SLC4A4: variants seen among roughly 807,000 people sequenced by gnomAD.
The protein encoded by SLC4A4 is electrogenic sodium bicarbonate cotransporter 1.
In SLC4A4, 27 loss-of-function variants were observed where a neutral mutation model predicts 111.5. The observed-to-expected ratio is 0.24, with a 90% CI of 0.18 to 0.33. SLC4A4 has a LOEUF of 0.33. Ranked by LOEUF, SLC4A4 falls within the 10% of genes least tolerant of loss-of-function variation. The pLI is 1.00. For missense variants in SLC4A4, 909 were observed against 1,315.5 expected (o/e 0.69, Z 4.78); for synonymous variants, 443 against 463.4 (o/e 0.96, Z 0.57).
chr4:71,107,010 ATCTG>A (rs1197374382), intron 2 of SLC4A4, among the ~76,000 whole-genome samples: 2 of 151,834 alleles, frequency 1.3e-5, no homozygotes, highest in Non-Finnish European at 2.9e-5. Context: ...AATAAAGTCT[ATCTG>A]TCTGTATTAT....
intron 2 of SLC4A4, among the ~76,000 whole-genome samples, chr4:71,237,617 AG>A (rs1393085354): frequency 6.6e-6 from 1 of 152,150 alleles, no homozygotes; most frequent in Non-Finnish European, 1.5e-5. Flanking sequence ...AAAGAGAGTC[AG>A]TATTGTATGT....
rs190679379 is a variant in SLC4A4, at chr4:71,164,249, C to T, written c.-2+71457C>T. On this transcript the variant is annotated intron_variant, in intron 2 of 26. Coordinates refer to the SLC4A4 transcript ENST00000649996. The stretch of plus-strand genomic sequence containing the variant: ...TAAAAAAATAAGCTGGGCATGGTGA[C>T]GCATGACTGTAATCCCAGCTACTCA... 1.5e-4 allele frequency among the ~76,000 whole-genome samples: 23 copies of T among 152,100 alleles called. No homozygotes were observed. The East Asian group carries it at 3.9e-3, about 26-fold the overall frequency.
At chr4:71,490,876 C>T (rs1459931282) in intron 15 of SLC4A4, among the ~76,000 whole-genome samples, 1 of 151,782 alleles carries the variant, frequency 6.6e-6, no homozygotes, top group African/African-American at 2.4e-5. Context: ...TGATGGCACA[C>T]ACCTGTAGGG....
chr4:71,398,336 T>A (rs1460458548), intron 7 of SLC4A4, among the ~76,000 whole-genome samples: 2 of 151,472 alleles, frequency 1.3e-5, no homozygotes, highest in Non-Finnish European at 2.9e-5. Context: ...TGTTGTTAAC[T>A]TTTGGGGGAT....
At chr4:71,363,818 C>T (rs948962547) in intron 6 of SLC4A4, among the ~76,000 whole-genome samples, 12 of 152,206 alleles carry the variant, frequency 7.9e-5, no homozygotes, top group African/African-American at 2.9e-4. Flanking sequence ...CGATCAAGCT[C>T]TTTCCCACCT....
chr4:71,230,300 A>G (rs1366980706), intron 1 of SLC4A4, among the ~76,000 whole-genome samples: 1 of 152,054 alleles, frequency 6.6e-6, no homozygotes, highest in Non-Finnish European at 1.5e-5. Context: ...CTGCTTTTGA[A>G]CTCTGAGACT....
intron 14 of SLC4A4, among the ~76,000 whole-genome samples, chr4:71,477,272 A>G (rs1015141351): frequency 6.6e-6 from 1 of 151,770 alleles, no homozygotes; most frequent in African/African-American, 2.4e-5. Flanking sequence ...ATAGTTTGGC[A>G]CCTAATGGAC....
intron 7 of SLC4A4, among the ~76,000 whole-genome samples, chr4:71,433,269 T>C (rs1723810998): frequency 1.3e-5 from 2 of 151,608 alleles, no homozygotes. Context: ...CCCATTAGTC[T>C]CATCTAGTCT....
intron 14 of SLC4A4, among the ~76,000 whole-genome samples, chr4:71,476,533 G>A (rs1410072826): frequency 6.6e-6 from 1 of 151,692 alleles, no homozygotes; most frequent in Non-Finnish European, 1.5e-5. Context: ...AATGGAAATA[G>A]GGGCCACTAA....
intron 3 of SLC4A4, among the ~76,000 whole-genome samples, chr4:71,306,686 T>C (rs1725714643): frequency 6.6e-6 from 1 of 152,248 alleles, no homozygotes; most frequent in Non-Finnish European, 1.5e-5. Flanking sequence ...AGTAATTGCA[T>C]AATGAAAGTT....
At chr4:71,373,588 G>A (rs1022142026) in intron 6 of SLC4A4, among the ~76,000 whole-genome samples, 1 of 152,170 alleles carries the variant, frequency 6.6e-6, no homozygotes, top group African/African-American at 2.4e-5. Flanking sequence ...GGCATGGGAA[G>A]AAGATGTGTG....
intron 16 of SLC4A4, 146 bp downstream of exon 16, chr4:71,497,838 A>T: frequency 1.4e-6 from 1 of 707,604 alleles, no homozygotes; most frequent in South Asian, 1.8e-5. Flanking sequence ...ATCTTTGTTC[A>T]TGTGCATACT....
intron 13 of SLC4A4, among the ~76,000 whole-genome samples, chr4:71,472,312 C>T (rs888596073): frequency 6.6e-6 from 1 of 151,860 alleles, no homozygotes; most frequent in South Asian, 2.1e-4. Context: ...TATTGATCTT[C>T]ATGTCTTTAT....
chr4:71,558,139 C>T (rs1055846600), intron 22 of SLC4A4, among the ~76,000 whole-genome samples: 15 of 151,902 alleles, frequency 9.9e-5, no homozygotes, highest in Non-Finnish European at 1.8e-4. Flanking sequence ...ACTACTATTA[C>T]CTCATCAGTA....
chr4:71,255,071 G>T lies in SLC4A4; in HGVS notation c.74-149G>T, dbSNP rs1394775063. On this transcript the variant is annotated intron_variant, in intron 2 of 25. Transcript: ENST00000264485. ...TATACTGAAGCTAATTGAAAATTGG[G>T]AGGAAATTTTATTTTTCTAGAGTTT... is the stretch of plus-strand genomic sequence containing the variant. 1.4e-5 allele frequency: 11 copies of T among 806,858 alleles called. No individual in the cohort carries two copies. In the Admixed American group the frequency reaches 2.0e-4, roughly 15 times the overall value. 50.0% of individuals were successfully genotyped at this position (806,858 alleles called of 1,614,324 possible).
chr4:71,357,279 A>G, intron 6 of SLC4A4, 92 bp downstream of exon 6: 3 of 1,335,028 alleles, frequency 2.2e-6, no homozygotes, highest in Non-Finnish European at 3.2e-6. Context: ...ACCCTTCTCC[A>G]TATTTTTTCT....
At chr4:71,376,339 C>T (rs2148942231) in intron 6 of SLC4A4, among the ~76,000 whole-genome samples, 1 of 150,642 alleles carries the variant, frequency 6.6e-6, no homozygotes, top group Non-Finnish European at 1.5e-5. Context: ...GTAGCTGGGA[C>T]TACGGGCACC....
chr4:71,252,634 A>C (rs1165277729), intron 2 of SLC4A4, among the ~76,000 whole-genome samples: 2 of 152,136 alleles, frequency 1.3e-5, no homozygotes, highest in African/African-American at 2.4e-5. Context: ...TTGTGCTGTA[A>C]GGATGTCTAC....
At chr4:71,477,455 C>T (rs1728473167) in intron 14 of SLC4A4, among the ~76,000 whole-genome samples, 1 of 151,632 alleles carries the variant, frequency 6.6e-6, no homozygotes, top group African/African-American at 2.4e-5. Flanking sequence ...TGCCTTCTCC[C>T]CCAAAATTAA....
Sources: gnomAD v4.1 joint callset for allele counts (sites outside exome capture counted in the v4.1 genomes callset) on GRCh38, gnomAD v4.1.1 for gene constraint, MANE v1.5 for transcripts, NCBI Gene and HGNC (gene_info 2026-07-23, HGNC 2026-07-21) for gene names.